PARP8: variants seen among roughly 807,000 people sequenced by gnomAD.
PARP8 encodes the protein poly(ADP-ribose) polymerase family member 8.
A neutral mutation model predicts 124.1 loss-of-function variants in PARP8; 51 were observed. The observed-to-expected ratio is 0.41, with a 90% CI of 0.33 to 0.52. The LOEUF (loss-of-function observed/expected upper bound fraction) is 0.52, where lower values mean the gene tolerates loss of function less well. Among genes scored for constraint, PARP8 ranks in the 20% least tolerant of loss-of-function variants. The pLI is 0.21. For missense variants in PARP8, 860 were observed against 1,018.9 expected (o/e 0.84, Z 2.12); for synonymous variants, 391 against 361.5 (o/e 1.08, Z -0.93).
intron 2 of PARP8, among the ~76,000 whole-genome samples, chr5:50,685,266 TCTTG>T (rs1451720798): frequency 3.9e-5 from 6 of 152,210 alleles, no homozygotes. Flanking sequence ...AAGGGGATTT[TCTTG>T]CTTATTTAAC....
At chr5:50,776,274 A>G (rs1204706472) in intron 7 of PARP8, among the ~76,000 whole-genome samples, 2 of 152,142 alleles carry the variant, frequency 1.3e-5, no homozygotes, top group Non-Finnish European at 2.9e-5. Flanking sequence ...TTAACGTGCT[A>G]TTGAATTCAG....
intron 9 of PARP8, among the ~76,000 whole-genome samples, chr5:50,788,184 A>ATG (rs1741491640): frequency 3.5e-5 from 5 of 144,808 alleles, no homozygotes; most frequent in African/African-American, 1.2e-4. Context: ...ACATTAATAT[A>ATG]TAATATATTA....
rs1454913092 is a variant in PARP8, at chr5:50,842,933, C to G, written c.*865C>G. On this transcript the variant is annotated 3_prime_UTR_variant, in exon 26 of 26. Coordinates refer to ENST00000281631, the MANE Select transcript of PARP8 (RefSeq NM_024615.4). ...TGGCCTGGTAGACCGAATCTATATT[C>G]AAATGATTATGTATTTAAAAGAAAG... The G allele has an allele frequency of 6.6e-6, 1 of 151,502 alleles. No homozygotes were observed. Among genetic ancestry groups the G allele is most frequent in the African/African-American group, 2.4e-5 (1 of 41,342 alleles). The allele number at this position is 151,502 out of a possible 1,614,324, so 9.4% of individuals were successfully genotyped here.
rs543544022 is a variant in PARP8, at chr5:50,735,676, G to T, written c.147-14475G>T. On this transcript the variant is annotated intron_variant, in intron 2 of 25. Coordinates refer to ENST00000281631, the MANE Select transcript of PARP8 (RefSeq NM_024615.4). ...ATATATTTTGAACATCTCTTAAGAT[G>T]CAACCTGCACATATATTGAGCATCT... 5.9e-5 allele frequency among the ~76,000 whole-genome samples: 9 copies of T among 152,260 alleles called. 1 individual carries two copies. The highest frequency in any genetic ancestry group is 2.2e-4 in the African/African-American group (9 of 41,556).
intron 14 of PARP8, among the ~76,000 whole-genome samples, chr5:50,811,350 T>G (rs1357232544): frequency 4.0e-5 from 6 of 151,846 alleles, no homozygotes; most frequent in Non-Finnish European, 8.8e-5. Flanking sequence ...CACTGAAATT[T>G]TGCTTGTTTG....
chr5:50,720,346 G>A (rs905891954), intron 2 of PARP8, among the ~76,000 whole-genome samples: 12 of 152,024 alleles, frequency 7.9e-5, no homozygotes, highest in African/African-American at 2.9e-4. Context: ...TAAAAAGCTG[G>A]TGATAACATC....
chr5:50,770,758 A>T (rs1406858896), intron 7 of PARP8, among the ~76,000 whole-genome samples: 2 of 152,040 alleles, frequency 1.3e-5, no homozygotes, highest in Non-Finnish European at 2.9e-5. Flanking sequence ...GAAAAGATGG[A>T]TGCGGCAGAG....
At chr5:50,667,969 G>C in intron 1 of PARP8, 102 bp from the exon 2 acceptor site, 1 of 1,600,390 alleles carries the variant, frequency 6.2e-7, no homozygotes, top group Non-Finnish European at 8.5e-7. Flanking sequence ...CTTCTGCCCG[G>C]CCAGGCCTCC....
chr5:50,778,899 C>T (rs1441687116), intron 9 of PARP8, among the ~76,000 whole-genome samples: 1 of 152,008 alleles, frequency 6.6e-6, no homozygotes, highest in African/African-American at 2.4e-5. Context: ...ATTTAAAAAA[C>T]CCAAAAGAGT....
chr5:50,669,615 C>T (rs1197086215), intron 2 of PARP8: 1 of 152,160 alleles, frequency 6.6e-6, no homozygotes, highest in African/African-American at 2.4e-5. Context: ...CTGTTAGATA[C>T]TGCAGTTAAG....
intron 2 of PARP8, among the ~76,000 whole-genome samples, chr5:50,728,314 A>G (rs1756634422): frequency 6.6e-6 from 1 of 152,210 alleles, no homozygotes; most frequent in Non-Finnish European, 1.5e-5. Context: ...TATTGCAATT[A>G]GACTGACTTG....
In PARP8 at chr5:50,762,029, A is replaced by G. The variant is rs548007832; in HGVS notation, c.423+131A>G. The G allele has an allele frequency of 1.8e-5, 8 of 455,226 alleles. No homozygotes were observed. The East Asian group carries it at 2.9e-4, about 17-fold the overall frequency. 28.2% of individuals were successfully genotyped at this position (455,226 alleles called of 1,614,324 possible). ...GGTTCTGTAACTAACTAGAAAATCT[A>G]TATAATTTATCTTTGCACATTTTCT... On this transcript the variant is annotated intron_variant, in intron 6 of 25. Coordinates refer to ENST00000281631, the MANE Select transcript of PARP8 (RefSeq NM_024615.4).
At chr5:50,706,284 C>T (rs1479094675) in intron 2 of PARP8, among the ~76,000 whole-genome samples, 2 of 151,884 alleles carry the variant, frequency 1.3e-5, no homozygotes, top group African/African-American at 4.8e-5. Flanking sequence ...TATGCTTTTA[C>T]ATATATTTTA....
chr5:50,736,985 A>T (rs1164485549), intron 2 of PARP8, among the ~76,000 whole-genome samples: 1 of 152,170 alleles, frequency 6.6e-6, no homozygotes, highest in East Asian at 1.9e-4. Context: ...ATGGGATTTG[A>T]CTTTAAAAAG....
At chr5:50,748,429 G>A (rs1255862939) in intron 2 of PARP8, among the ~76,000 whole-genome samples, 2 of 151,976 alleles carry the variant, frequency 1.3e-5, no homozygotes, top group Non-Finnish European at 2.9e-5. Context: ...TATTTTTAAA[G>A]CATTAAAAAA....
At chr5:50,722,649 C>G (rs1580097865) in intron 2 of PARP8, among the ~76,000 whole-genome samples, 1 of 152,062 alleles carries the variant, frequency 6.6e-6, no homozygotes, top group African/African-American at 2.4e-5. Context: ...CCCTGGAATC[C>G]AACTGTGTGC....
At chr5:50,814,549 G>A (rs1744869826) in intron 14 of PARP8, among the ~76,000 whole-genome samples, 1 of 151,954 alleles carries the variant, frequency 6.6e-6, no homozygotes, top group Non-Finnish European at 1.5e-5. Context: ...CAACCAGAAA[G>A]CTTTGTATTT....
chr5:50,698,008 C>T (rs1185289835), intron 2 of PARP8, among the ~76,000 whole-genome samples: 1 of 152,180 alleles, frequency 6.6e-6, no homozygotes, highest in African/African-American at 2.4e-5. Context: ...CTGTCTCTCT[C>T]TCTCCTTGTG....
chr5:50,702,699 G>A (rs1185039271), intron 2 of PARP8, among the ~76,000 whole-genome samples: 1 of 152,116 alleles, frequency 6.6e-6, no homozygotes, highest in Non-Finnish European at 1.5e-5. Context: ...AAATATATTA[G>A]AAATTGTGTT....
Sources: gnomAD v4.1 joint callset for allele counts (sites outside exome capture counted in the v4.1 genomes callset) on GRCh38, gnomAD v4.1.1 for gene constraint, MANE v1.5 for transcripts, NCBI Gene and HGNC (gene_info 2026-07-23, HGNC 2026-07-21) for gene names.